ELOVL6: variants seen among roughly 807,000 people sequenced by gnomAD.
The protein encoded by ELOVL6 is ELOVL fatty acid elongase 6.
In ELOVL6, 8 loss-of-function variants were observed where a neutral mutation model predicts 31.7. That is an observed-to-expected ratio of 0.25 (90% CI 0.15 to 0.45). The LOEUF is 0.45. ELOVL6 is among the 20% of genes least tolerant of loss of function. ELOVL6 has a pLI of 1.00. For synonymous variants in ELOVL6, 101 were observed against 117.7 expected (o/e 0.86, Z 0.92); for missense variants, 126 against 326.4 (o/e 0.39, Z 4.73).
chr4:110,079,918 G>A (rs938708247), intron 2 of ELOVL6, among the ~76,000 whole-genome samples: 5 of 152,052 alleles, frequency 3.3e-5, no homozygotes, highest in Admixed American at 6.6e-5. Context: ...TATCACCACC[G>A]ATCCCACAGA....
chr4:110,143,277 T>A lies in ELOVL6; in HGVS notation c.90-37649A>T, dbSNP rs796801100. ...AATTAGACTGTAGTGCTTTTTTTTT[T>A]AACTTATCTTTACCATATGATTTTT... On this transcript the variant is annotated intron_variant, in intron 1 of 3. Transcript: ENST00000302274. Among the ~76,000 whole-genome samples the A allele has an allele frequency of 1.1e-4, 17 of 152,256 alleles. 1 individual carries two copies. Among genetic ancestry groups the A allele is most frequent in the African/African-American group, 3.9e-4 (16 of 41,558 alleles).
At chr4:110,164,697 C>T (rs35870291) in intron 1 of ELOVL6, among the ~76,000 whole-genome samples, 79,523 of 145,384 alleles carry the variant, frequency 0.55, 22,521 homozygotes, top group East Asian at 0.79. Context: ...GCCATGATCA[C>T]GCCACTGCAC....
intron 1 of ELOVL6, among the ~76,000 whole-genome samples, chr4:110,191,114 C>A (rs763500841): frequency 5.9e-5 from 9 of 152,038 alleles, no homozygotes; most frequent in Non-Finnish European, 1.0e-4. Context: ...CCACCATACC[C>A]GACCCATACA....
At chr4:110,113,227 CAAA>C (rs754003099) in intron 1 of ELOVL6, among the ~76,000 whole-genome samples, 9 of 107,496 alleles carry the variant, frequency 8.4e-5, no homozygotes, top group Admixed American at 1.0e-4. Flanking sequence ...GACTCCGTCT[CAAA>C]AAAAAAAAAA....
rs930883992 is a variant in ELOVL6, at chr4:110,049,494, G to A, written c.*1844C>T. ...AGCAGAGCAGCTCTGTTTCATGAACGACAGCACAATTAAAGCTAAAATAAT... is the reference window on the plus strand; with the variant it reads ...AGCAGAGCAGCTCTGTTTCATGAACAACAGCACAATTAAAGCTAAAATAAT... On this transcript the variant is annotated 3_prime_UTR_variant, in exon 4 of 4. Coordinates refer to ENST00000302274, the MANE Select transcript of ELOVL6 (RefSeq NM_024090.3). 4 of 152,490 alleles carry A rather than the reference G, an allele frequency of 2.6e-5. No individual in the cohort carries two copies. Among genetic ancestry groups the A allele is most frequent in the East Asian group, 1.9e-4 (1 of 5,196 alleles). 9.4% of individuals were successfully genotyped at this position (152,490 alleles called of 1,614,324 possible).
intron 2 of ELOVL6, among the ~76,000 whole-genome samples, chr4:110,095,919 A>G (rs988899224): frequency 1.3e-5 from 2 of 152,202 alleles, no homozygotes; most frequent in African/African-American, 4.8e-5. Flanking sequence ...TCATTAGGAA[A>G]ATTGTGATAA....
At chr4:110,175,255 C>T (rs371907959) in intron 1 of ELOVL6, among the ~76,000 whole-genome samples, 22 of 151,976 alleles carry the variant, frequency 1.4e-4, no homozygotes, top group East Asian at 1.2e-3. Context: ...TGGTGGTGCA[C>T]GCTTATAATC....
chr4:110,091,644 GA>G (rs2126239839), intron 2 of ELOVL6, among the ~76,000 whole-genome samples: 1 of 152,214 alleles, frequency 6.6e-6, no homozygotes, highest in South Asian at 2.1e-4. Context: ...AAACTGCATT[GA>G]AAATTTCTGC....
chr4:110,055,763 G>A (rs1367008225), intron 3 of ELOVL6, among the ~76,000 whole-genome samples: 1 of 152,184 alleles, frequency 6.6e-6, no homozygotes, highest in African/African-American at 2.4e-5. Flanking sequence ...TGGGCTCAGA[G>A]CAGATATTTC....
rs1163295001 is a variant in ELOVL6, at chr4:110,084,349, A to G, written c.221+21148T>C. 3.2e-5 allele frequency among the ~76,000 whole-genome samples: 4 copies of G among 123,812 alleles called. 2 individuals are homozygous for G. In the South Asian group the frequency reaches 1.0e-3, roughly 31 times the overall value. The allele number at this position is 123,812 out of a possible 152,430, so 81.2% of individuals were successfully genotyped here. On this transcript the variant is annotated intron_variant, in intron 2 of 3. Coordinates refer to ENST00000302274, the MANE Select transcript of ELOVL6 (RefSeq NM_024090.3). ...TTGATATATATCACATATATGATAT[A>G]TGATATATACCGCATATATGATATA...
chr4:110,099,085 GT>G (rs1160559302), intron 2 of ELOVL6, among the ~76,000 whole-genome samples: 2 of 151,886 alleles, frequency 1.3e-5, no homozygotes, highest in South Asian at 2.1e-4. Context: ...GAACTGTCAT[GT>G]TTTTTTCACT....
At position 110,096,069 on chromosome 4, in the gene ELOVL6, T is replaced by A. The variant is rs1285970486; in HGVS notation, c.221+9428A>T. On this transcript the variant is annotated intron_variant, in intron 2 of 3. Transcript: ENST00000302274. ...AGAGGTCAATCCTAAAAATAAGAAT[T>A]TGTTAGCAGTTAATTGTCAAATAAT... Among the ~76,000 whole-genome samples the A allele has an allele frequency of 1.5e-4, 23 of 152,178 alleles. 1 individual carries two copies. Among genetic ancestry groups the A allele is most frequent in the Admixed American group, 1.5e-3 (23 of 15,280 alleles).
rs370058731 is a variant in ELOVL6 at position 110,108,975 on chromosome 4, T to G, written c.90-3347A>C. Among the ~76,000 whole-genome samples the G allele has an allele frequency of 2.0e-5, 3 of 152,216 alleles. No individual in the cohort carries two copies. In the East Asian group the frequency reaches 5.8e-4, roughly 29 times the overall value. The stretch of plus-strand genomic sequence containing the variant: ...GGTTGAATGTACTATTTGTTTTCCA[T>G]ATTGCTTAGAAGAAGGTAAGATTTT... On this transcript the variant is annotated intron_variant, in intron 1 of 3. Transcript: ENST00000302274.
chr4:110,078,421 T>A (rs944074284), intron 2 of ELOVL6, among the ~76,000 whole-genome samples: 1 of 151,922 alleles, frequency 6.6e-6, no homozygotes, highest in Admixed American at 6.6e-5. Flanking sequence ...CAGAAGAGAG[T>A]GGGGGCCAAT....
Position 110,059,610 on chromosome 4 carries a change from G to C in ELOVL6, c.366C>G (p.Pro122=), listed in dbSNP as rs1404551999. 1.2e-6 allele frequency: 2 copies of C among 1,613,290 alleles called. No homozygotes were observed. The highest frequency in any genetic ancestry group is 8.5e-7 in the Non-Finnish European group (1 of 1,179,632). The change falls in exon 3 of 4, where the codon CCC becomes CCG. Residue 122 remains proline, a synonymous_variant. Transcript: ENST00000302274. ...ATGGAAGAAGATACTCACCTAGTTC[G>C]GGTGCTTTGCTTAGCACAAATGCAT... is the stretch of plus-strand genomic sequence containing the variant. ...WAYAFVLSKA[P]ELGDTIFIIL... is the part of the protein sequence containing the mutation.
rs1296675123 is a variant in ELOVL6, at chr4:110,051,259, GTGAT to G, written c.*75_*78del. The G allele has an allele frequency of 7.0e-7, 1 of 1,437,552 alleles. No homozygotes were observed. The highest frequency in any genetic ancestry group is 2.3e-5 in the East Asian group (1 of 43,818). 89.0% of individuals were successfully genotyped at this position (1,437,552 alleles called of 1,614,324 possible). On this transcript the variant is annotated 3_prime_UTR_variant, in exon 4 of 4. Transcript: ENST00000302274. This position sits in a 1 kb window ranked among gnomAD's most constrained non-coding sequence, Gnocchi z 4.8. ...TTGTTTTGTTTTAGCTGCACCACGT[GTGAT>G]TCCTTGTGCCATTTTCTTTTGTCTA...
chr4:110,084,501 T>TG (rs1756156470), intron 2 of ELOVL6, among the ~76,000 whole-genome samples: 2 of 56,662 alleles, frequency 3.5e-5, no homozygotes, highest in African/African-American at 1.5e-4. Flanking sequence ...TACACATATA[T>TG]ATCATATATG....
chr4:110,145,242 A>C (rs1036930691), intron 1 of ELOVL6, among the ~76,000 whole-genome samples: 1 of 152,116 alleles, frequency 6.6e-6, no homozygotes, highest in Non-Finnish European at 1.5e-5. Flanking sequence ...GGCAGGAATG[A>C]AGAAGGAAAA....
chr4:110,084,530 TTACACACACACA>T (rs1756160584), intron 2 of ELOVL6, among the ~76,000 whole-genome samples: 1 of 61,078 alleles, frequency 1.6e-5, no homozygotes, highest in Non-Finnish European at 2.8e-5. Context: ...TTATATACAC[TTACACACACACA>T]CACACACACA....
Sources: allele counts gnomAD v4.1 joint callset (sites outside exome capture counted in the v4.1 genomes callset), GRCh38; gene constraint gnomAD v4.1.1; non-coding constraint Gnocchi (gnomAD v3.1); transcripts MANE v1.5; gene names NCBI Gene and HGNC (gene_info 2026-07-23, HGNC 2026-07-21).